Variants in PMFBP1 observed in about 807,000 individuals in gnomAD.
The protein encoded by PMFBP1 is polyamine modulated factor 1 binding protein 1.
PMFBP1 carries 131 observed loss-of-function variants against 137.8 expected under a neutral mutation model. The observed-to-expected ratio is 0.95, with a 90% confidence interval of 0.82 to 1.10. PMFBP1 has a LOEUF of 1.10. PMFBP1 is among the 50% of genes least tolerant of loss of function. PMFBP1 has a pLI of 0.00. For synonymous variants in PMFBP1, 490 were observed against 450.4 expected (o/e 1.09, Z -1.11); for missense variants, 1,199 against 1,175.4 (o/e 1.02, Z -0.29).
At chr16:72,119,715 C>G (rs1336541238) in intron 20 of PMFBP1, 136 bp downstream of exon 20, 1 of 1,493,762 alleles carries the variant, frequency 6.7e-7, no homozygotes, top group Non-Finnish European at 8.9e-7. Flanking sequence ...GTGAAAACAA[C>G]GATCTTTGGT....
downstream of PMFBP1, among the ~76,000 whole-genome samples, chr16:72,117,423 G>C (rs2144200348): frequency 1.3e-5 from 2 of 152,252 alleles, no homozygotes; most frequent in East Asian, 3.9e-4. Flanking sequence ...GTGGTCTGTA[G>C]AGTCTTTAGG....
chr16:72,248,414 T>C, the PMFBP1 span, among the ~76,000 whole-genome samples: 1 of 152,292 alleles, frequency 6.6e-6, no homozygotes, highest in East Asian at 1.9e-4. Flanking sequence ...AAAGCAATGA[T>C]ATGGACCTGG....
chr16:72,209,202 G>T, the PMFBP1 span, among the ~76,000 whole-genome samples: 2,844 of 152,304 alleles, frequency 0.019, 45 homozygotes, highest in Non-Finnish European at 0.031. Flanking sequence ...TCCAGAAAGC[G>T]ACATGCACAG....
chr16:72,187,484 C>A, the PMFBP1 span, among the ~76,000 whole-genome samples: 1 of 152,160 alleles, frequency 6.6e-6, no homozygotes, highest in Non-Finnish European at 1.5e-5. Context: ...TCACTTGTAA[C>A]CCTAAAGAGC....
chr16:72,237,565 A>T, the PMFBP1 span, among the ~76,000 whole-genome samples: 10 of 152,200 alleles, frequency 6.6e-5, no homozygotes, highest in East Asian at 1.9e-4. Context: ...TTTTTAAAAA[A>T]TTTTTTTGGC....
chr16:72,232,928 T>C, the PMFBP1 span, among the ~76,000 whole-genome samples: 36 of 152,158 alleles, frequency 2.4e-4, no homozygotes, highest in South Asian at 6.6e-3. Context: ...GATTGCAAAA[T>C]GGTAGGAGAT....
chr16:72,153,982 C>T (rs111636326), intron 4 of PMFBP1, among the ~76,000 whole-genome samples: 3 of 150,190 alleles, frequency 2.0e-5, no homozygotes, highest in African/African-American at 7.4e-5. Flanking sequence ...ACACACTCCA[C>T]ATATTCCACA....
chr16:72,128,570 C>G, intron 14 of PMFBP1, 87 bp downstream of exon 14: 1 of 1,610,308 alleles, frequency 6.2e-7, no homozygotes, highest in Non-Finnish European at 8.5e-7. Context: ...AGCTGCATTT[C>G]TGTGTGGAGG....
intron 3 of PMFBP1, among the ~76,000 whole-genome samples, chr16:72,163,529 C>T (rs2043095203): frequency 6.6e-6 from 1 of 152,124 alleles, no homozygotes; most frequent in African/African-American, 2.4e-5. Context: ...ACTTGGGCAC[C>T]CCTGAAAGCA....
chr16:72,223,998 A>G, the PMFBP1 span, among the ~76,000 whole-genome samples: 1 of 152,242 alleles, frequency 6.6e-6, no homozygotes, highest in East Asian at 1.9e-4. Context: ...CAGATGACAG[A>G]TTTGACACTG....
At chr16:72,159,367 C>T (rs1320972596) in intron 3 of PMFBP1, among the ~76,000 whole-genome samples, 2 of 152,156 alleles carry the variant, frequency 1.3e-5, no homozygotes, top group African/African-American at 4.8e-5. Context: ...AATGTCAATG[C>T]TTTATCTTCC....
chr16:72,191,167 C>T, the PMFBP1 span, among the ~76,000 whole-genome samples: 1 of 152,128 alleles, frequency 6.6e-6, no homozygotes, highest in African/African-American at 2.4e-5. Context: ...AAACTTTCTG[C>T]CCCTATATTC....
At chr16:72,132,720 G>T in intron 10 of PMFBP1, 28 bp downstream of exon 10, 1 of 1,613,778 alleles carries the variant, frequency 6.2e-7, no homozygotes, top group South Asian at 1.1e-5. Context: ...AGAAAAGTGT[G>T]GTGGGACAGC....
chr16:72,200,857 C>A, the PMFBP1 span, among the ~76,000 whole-genome samples: 1 of 152,150 alleles, frequency 6.6e-6, no homozygotes, highest in South Asian at 2.1e-4. Flanking sequence ...AGAGTAAGGA[C>A]AGGATCTAGA....
chr16:72,235,744 AT>A, the PMFBP1 span, among the ~76,000 whole-genome samples: 1 of 150,794 alleles, frequency 6.6e-6, no homozygotes, highest in Admixed American at 6.6e-5. Flanking sequence ...TTTAAAAAAA[AT>A]ACTATTATAA....
At chr16:72,247,493 T>G in the PMFBP1 span, among the ~76,000 whole-genome samples, 3 of 152,320 alleles carry the variant, frequency 2.0e-5, no homozygotes, top group East Asian at 5.8e-4. Flanking sequence ...AATGTCACAT[T>G]CAAGTTGAAG....
At chr16:72,174,786 G>C (rs151220790), upstream of PMFBP1, among the ~76,000 whole-genome samples, 9 of 152,198 alleles carry the variant, frequency 5.9e-5, no homozygotes, top group East Asian at 1.7e-3. Flanking sequence ...ACTATCACGA[G>C]AACAGCATGG....
In PMFBP1 at chr16:72,171,142, A is replaced by T. The variant is rs1279151990; in HGVS notation, c.12+55T>A. 3.8e-6 allele frequency: 6 copies of T among 1,579,096 alleles called. No individual in the cohort carries two copies. In the African/African-American group the frequency reaches 6.8e-5, roughly 18 times the overall value. On this transcript the variant is annotated intron_variant, in intron 2 of 20. Coordinates refer to ENST00000237353, the MANE Select transcript of PMFBP1 (RefSeq NM_031293.3). ...ATTTTGAATCATAAAACATGAAAAA[A>T]GTCCCTTGTAATGAATATTCAACTC...
chr16:72,119,418 AG>A (rs1555541272), intron 20 of PMFBP1, 64 bp from the exon 21 acceptor site: 1 of 1,613,518 alleles, frequency 6.2e-7, no homozygotes, highest in Non-Finnish European at 8.5e-7. Flanking sequence ...TGATTCCTCA[AG>A]GGCTGGCCGC....
Sources: gnomAD v4.1 joint callset for allele counts (sites outside exome capture counted in the v4.1 genomes callset) on GRCh38, gnomAD v4.1.1 for gene constraint, MANE v1.5 for transcripts, NCBI Gene and HGNC (gene_info 2026-07-23, HGNC 2026-07-21) for gene names.